Variants in BICDL1 observed in about 807,000 individuals in gnomAD.
BICDL1 encodes the protein BICD family-like cargo adapter 1.
In BICDL1, 20 loss-of-function variants were observed where a neutral mutation model predicts 76.8. That is an observed-to-expected ratio of 0.26 (90% CI 0.18 to 0.38). The LOEUF is 0.38. Among genes scored for constraint, BICDL1 ranks in the 10% least tolerant of loss-of-function variants. The probability of loss-of-function intolerance (pLI) is 1.00; values close to 1 mark genes in which losing one functional copy is unlikely to be tolerated. For missense variants in BICDL1, 700 were observed against 798.6 expected (o/e 0.88, Z 1.49); for synonymous variants, 383 against 337.1 (o/e 1.14, Z -1.49).
chr12:120,061,755 A>C lies in BICDL1; in HGVS notation c.691A>C (p.Arg231=), dbSNP rs778907524. Residue 231 remains arginine, a synonymous_variant, in exon 3 of 10, where the codon AGA becomes CGA. Coordinates refer to ENST00000548673, the MANE Select transcript of BICDL1 (RefSeq NM_001367886.1). ...ACTCTCCATGCAGGTCCACGCCCTC[A>C]GAGAAGACTTTCGGGAGAAAAACTC... The part of the protein sequence containing the change: ...RQLSMQVHAL[R]EDFREKNSST... The C allele has an allele frequency of 1.2e-6, 2 of 1,614,226 alleles. No homozygotes were observed. Among genetic ancestry groups the C allele is most frequent in the Non-Finnish European group, 1.7e-6 (2 of 1,180,016 alleles).
intron 2 of BICDL1, among the ~76,000 whole-genome samples, chr12:120,052,082 A>T (rs1265786844): frequency 1.3e-5 from 2 of 152,216 alleles, no homozygotes; most frequent in African/African-American, 4.8e-5. Context: ...CTGGGACTAC[A>T]GTTGCCCGCC....
At chr12:120,037,937 G>T (rs1029085957) in intron 2 of BICDL1, among the ~76,000 whole-genome samples, 1 of 152,156 alleles carries the variant, frequency 6.6e-6, no homozygotes, top group Non-Finnish European at 1.5e-5. Context: ...AACTACTCTT[G>T]CTCCCTCACT....
At chr12:119,997,631 C>T (rs915362010) in intron 1 of BICDL1, among the ~76,000 whole-genome samples, 1 of 152,092 alleles carries the variant, frequency 6.6e-6, no homozygotes, top group African/African-American at 2.4e-5. Flanking sequence ...TTAGACAGTC[C>T]CCGCTTTGCC....
Position 120,055,465 on chromosome 12 carries a change from C to A in BICDL1, c.646-6245C>A, listed in dbSNP as rs565528687. ...GTTCAGTGGGGAGGAAGTAATCTGT[C>A]CTAGATGGTACTCTGACCAACAGGA... On this transcript the variant is annotated intron_variant, in intron 2 of 9. Coordinates refer to ENST00000548673, the MANE Select transcript of BICDL1 (RefSeq NM_001367886.1). Among the ~76,000 whole-genome samples, 5 of 152,216 alleles carry A rather than the reference C, an allele frequency of 3.3e-5. No individual in the cohort carries two copies. In the South Asian group the frequency reaches 1.0e-3, roughly 32 times the overall value.
intron 8 of BICDL1, among the ~76,000 whole-genome samples, chr12:120,082,734 G>T (rs1464846490): frequency 1.3e-5 from 2 of 151,182 alleles, no homozygotes; most frequent in Non-Finnish European, 2.9e-5. Flanking sequence ...ATGCCGGGCA[G>T]ATTTTTGTAT....
At chr12:120,023,711 G>C (rs767534172) in intron 2 of BICDL1, among the ~76,000 whole-genome samples, 48 of 151,416 alleles carry the variant, frequency 3.2e-4, no homozygotes, top group Non-Finnish European at 5.0e-4. Context: ...AATCGCTTGA[G>C]CCTGGGAGGC....
chr12:120,005,993 G>C (rs1363284232), intron 2 of BICDL1, among the ~76,000 whole-genome samples: 1 of 152,152 alleles, frequency 6.6e-6, no homozygotes, highest in African/African-American at 2.4e-5. Context: ...CTATCATATT[G>C]CTCCAAGAAT....
At chr12:120,092,139 C>T in intron 9 of BICDL1, 1 of 985,396 alleles carries the variant, frequency 1.0e-6, no homozygotes, top group Non-Finnish European at 1.2e-6. Flanking sequence ...AGTGGCAGAA[C>T]TTTTGTCAAA....
chr12:120,028,656 A>C (rs111759463), intron 2 of BICDL1, among the ~76,000 whole-genome samples: 30 of 152,294 alleles, frequency 2.0e-4, no homozygotes, highest in African/African-American at 6.7e-4. Context: ...CAGCCTGGGC[A>C]ACAGAGTAAG....
chr12:119,995,176 C>T (rs934851182), intron 1 of BICDL1, among the ~76,000 whole-genome samples: 2 of 152,212 alleles, frequency 1.3e-5, no homozygotes, highest in Non-Finnish European at 2.9e-5. Flanking sequence ...TTGACCTTCA[C>T]ACTTCCTGAC....
rs1951474674 is a variant in BICDL1 at position 119,989,839 on chromosome 12, GC to G, written c.-29del. 8.0e-7 allele frequency: 1 copy of G among 1,247,052 alleles called. No homozygotes were observed. Among genetic ancestry groups the G allele is most frequent in the Admixed American group, 4.5e-5 (1 of 21,998 alleles). The allele number at this position is 1,247,052 out of a possible 1,614,324, so 77.2% of individuals were successfully genotyped here. A position where few individuals can be genotyped will look rare whatever the true frequency, so the allele number is the denominator to read the frequency against. ...CAGCCTGGCGCGCGCGGGCCGGGCC[GC>G]ACCGCTGCGGGCTCCGCGCGCGCGG... On this transcript the variant is annotated 5_prime_UTR_variant, in exon 1 of 10. Coordinates refer to ENST00000548673, the MANE Select transcript of BICDL1 (RefSeq NM_001367886.1).
intron 8 of BICDL1, among the ~76,000 whole-genome samples, chr12:120,085,799 CAAAA>C (rs35399078): frequency 8.6e-5 from 6 of 69,692 alleles, no homozygotes; most frequent in Admixed American, 1.7e-4. Flanking sequence ...GATCCTGCCT[CAAAA>C]AAAAAAAAAA....
chr12:120,094,315 T>C lies in BICDL1; in HGVS notation c.*1154T>C, dbSNP rs1482578108. ...ACAGCAGGGATGCGCGGCAAGAATG[T>C]ACCTGTAGATGTGTACATACCACAG... On this transcript the variant is annotated 3_prime_UTR_variant, in exon 10 of 10. Coordinates refer to ENST00000548673, the MANE Select transcript of BICDL1 (RefSeq NM_001367886.1). The C allele has an allele frequency of 8.8e-6, 4 of 456,622 alleles. No homozygotes were observed. Among genetic ancestry groups the C allele is most frequent in the African/African-American group, 8.0e-5 (4 of 50,094 alleles). 28.3% of individuals were successfully genotyped at this position (456,622 alleles called of 1,614,324 possible).
intron 9 of BICDL1, chr12:120,090,864 C>T: frequency 1.6e-6 from 2 of 1,287,684 alleles, no homozygotes; most frequent in Non-Finnish European, 2.0e-6. Context: ...AGCCAGCTGG[C>T]CGCGCCCTGG....
chr12:119,994,781 C>T (rs973309141), intron 1 of BICDL1, among the ~76,000 whole-genome samples: 1 of 152,216 alleles, frequency 6.6e-6, no homozygotes, highest in Non-Finnish European at 1.5e-5. Flanking sequence ...AGCCACTGCG[C>T]CCAGCCATAG....
chr12:120,076,282 A>G (rs1873542963), intron 7 of BICDL1, among the ~76,000 whole-genome samples: 1 of 152,230 alleles, frequency 6.6e-6, no homozygotes, highest in Admixed American at 6.5e-5. Context: ...TCAGACTCAG[A>G]GACAGATCTT....
At chr12:120,007,065 G>A (rs762330734) in intron 2 of BICDL1, among the ~76,000 whole-genome samples, 4 of 152,178 alleles carry the variant, frequency 2.6e-5, no homozygotes, top group Non-Finnish European at 5.9e-5. Flanking sequence ...ATAAATGGTT[G>A]TGGGAAGGAA....
At chr12:120,018,095 AT>A (rs759360548) in intron 2 of BICDL1, among the ~76,000 whole-genome samples, 4 of 152,184 alleles carry the variant, frequency 2.6e-5, no homozygotes, top group Non-Finnish European at 5.9e-5. Flanking sequence ...TAAAGCTGTA[AT>A]TCTCATCCCT....
At chr12:120,017,396 T>C (rs1374700422) in intron 2 of BICDL1, among the ~76,000 whole-genome samples, 1 of 152,208 alleles carries the variant, frequency 6.6e-6, no homozygotes, top group African/African-American at 2.4e-5. Flanking sequence ...ATGACTTGTT[T>C]AGAAATAAAT....
Sources: gnomAD v4.1 joint callset for allele counts (sites outside exome capture counted in the v4.1 genomes callset) on GRCh38, gnomAD v4.1.1 for gene constraint, MANE v1.5 for transcripts, NCBI Gene and HGNC (gene_info 2026-07-23, HGNC 2026-07-21) for gene names.